Variants in C20orf202 observed in about 807,000 individuals in gnomAD.
The protein encoded by C20orf202 is uncharacterized protein C20orf202.
C20orf202 carries 5 observed loss-of-function variants against 5.3 expected under a neutral mutation model. The observed-to-expected ratio is 0.94, with a 90% CI of 0.49 to 1.98. C20orf202 has a LOEUF of 1.98. C20orf202 is among the 30% of genes most tolerant of loss of function. The pLI is 0.01. For missense variants in C20orf202, 135 were observed against 123.5 expected (o/e 1.09, Z -0.44); for synonymous variants, 48 against 50.0 (o/e 0.96, Z 0.16).
At position 1,205,882 on chromosome 20, in the gene C20orf202, C is replaced by A. The variant is rs916942954; in HGVS notation, c.67-987C>A. Among the ~76,000 whole-genome samples, 8 of 151,878 alleles carry A rather than the reference C, an allele frequency of 5.3e-5. No individual in the cohort carries two copies. The South Asian group carries it at 1.5e-3, about 28-fold the overall frequency. On this transcript the variant is annotated intron_variant, in intron 1 of 1. Transcript: ENST00000400633. The stretch of plus-strand genomic sequence containing the variant: ...TCTGAGACCAGCCTGGGCAACATGG[C>A]AAGACATTGCCTCTACAAAAAATAG...
At chr20:1,203,951 G>A (rs971525562) in intron 1 of C20orf202, among the ~76,000 whole-genome samples, 2 of 152,102 alleles carry the variant, frequency 1.3e-5, no homozygotes, top group African/African-American at 2.4e-5. Flanking sequence ...TTATCTCTTT[G>A]AGCCTCAGTT....
At position 1,207,312 on chromosome 20, in the gene C20orf202, C is replaced by A. The variant is rs1439336653; in HGVS notation, c.*210C>A. On this transcript the variant is annotated 3_prime_UTR_variant, in exon 2 of 2. Transcript: ENST00000400633. Reference sequence around the variant, plus strand: ...TGTCACTTGGGATTTCTTGGTGAGGCACACATAAGGTATTGGATGTGAACA... The same window carrying A: ...TGTCACTTGGGATTTCTTGGTGAGGAACACATAAGGTATTGGATGTGAACA... The A allele has an allele frequency of 4.7e-5, 22 of 468,222 alleles. No individual in the cohort carries two copies. Among genetic ancestry groups the A allele is most frequent in the Non-Finnish European group, 7.7e-6 (2 of 259,196 alleles). The allele number at this position is 468,222 out of a possible 1,614,324, so 29.0% of individuals were successfully genotyped here. A position where few individuals can be genotyped will look rare whatever the true frequency, so the allele number is the denominator to read the frequency against.
At position 1,208,690 on chromosome 20, in the gene C20orf202, A is replaced by C. The variant is rs203554; in HGVS notation, c.*1588A>C. On this transcript the variant is annotated 3_prime_UTR_variant, in exon 2 of 2. Coordinates refer to ENST00000400633, the MANE Select transcript of C20orf202 (RefSeq NM_001394958.1). Reference sequence around the variant, plus strand: ...CACAACAGGCAGCAATTCCTTCATGAAGCACCAGACTTCTCCAGGATCCAG... The same window carrying C: ...CACAACAGGCAGCAATTCCTTCATGCAGCACCAGACTTCTCCAGGATCCAG... 0.13 allele frequency among the ~76,000 whole-genome samples: 20,167 copies of C among 152,078 alleles called. 1,931 individuals carry two copies. Among genetic ancestry groups the C allele is most frequent in the African/African-American group, 0.27 (11,377 of 41,432 alleles).
chr20:1,203,728 C>T (rs1218881784), intron 1 of C20orf202, 77 bp downstream of exon 1: 128 of 1,461,006 alleles, frequency 8.8e-5, no homozygotes, highest in Non-Finnish European at 9.8e-5. Context: ...TTCCCGGGTC[C>T]CCCCTGGGGC....
At chr20:1,206,765 A>G in intron 1 of C20orf202, 104 bp from the exon 2 acceptor site, 1 of 691,228 alleles carries the variant, frequency 1.4e-6, no homozygotes, top group Non-Finnish European at 2.3e-6. Flanking sequence ...AGGCTGTGCG[A>G]ATCACAAGTG....
At chr20:1,203,709 T>C (rs1007582229) in intron 1 of C20orf202, 58 bp downstream of exon 1, 11 of 1,500,352 alleles carry the variant, frequency 7.3e-6, no homozygotes, top group Middle Eastern at 2.3e-4. Flanking sequence ...CAAAGATCTC[T>C]GGTTTTCCTT....
At chr20:1,205,430 A>G (rs886980702) in intron 1 of C20orf202, among the ~76,000 whole-genome samples, 1 of 152,150 alleles carries the variant, frequency 6.6e-6, no homozygotes, top group African/African-American at 2.4e-5. Context: ...TTCTAGCTAC[A>G]TATTCTCTTG....
In C20orf202 at chr20:1,208,450, A is replaced by G. The variant is rs550232043; in HGVS notation, c.*1348A>G. Among the ~76,000 whole-genome samples, 1 of 152,326 alleles carries G rather than the reference A, an allele frequency of 6.6e-6. No homozygotes were observed. The highest frequency in any genetic ancestry group is 2.4e-5 in the African/African-American group (1 of 41,576). ...TCAACCTGTGATTTTTGTATTTGGT[A>G]ATATAAATGATACCTGCTCTGTGAT... On this transcript the variant is annotated 3_prime_UTR_variant, in exon 2 of 2. Transcript: ENST00000400633.
chr20:1,206,855 C>T lies in C20orf202; in HGVS notation c.67-14C>T, dbSNP rs774853040. On this transcript the variant is annotated splice_polypyrimidine_tract_variant and intron_variant, in intron 1 of 1. Coordinates refer to ENST00000400633, the MANE Select transcript of C20orf202 (RefSeq NM_001394958.1). ...GCTCCACGCATCCCCTCACAGGCTC[C>T]TTCTCTCTCCTAGTCTGAGATGCAG... 2.0e-6 allele frequency: 3 copies of T among 1,498,764 alleles called. No homozygotes were observed. The highest frequency in any genetic ancestry group is 2.7e-6 in the Non-Finnish European group (3 of 1,109,998). The allele number at this position is 1,498,764 out of a possible 1,614,324, so 92.8% of individuals were successfully genotyped here. A position where few individuals can be genotyped will look rare whatever the true frequency, so the allele number is the denominator to read the frequency against.
In C20orf202 at chr20:1,207,564, A is replaced by G. The variant is rs1881931965; in HGVS notation, c.*462A>G. On this transcript the variant is annotated 3_prime_UTR_variant, in exon 2 of 2. Transcript: ENST00000400633. ...TTCCCATTCCCCTTCATCTGATAACATATTAGGCCCTGTAACCACCCTGGC... is the reference window on the plus strand; with the variant it reads ...TTCCCATTCCCCTTCATCTGATAACGTATTAGGCCCTGTAACCACCCTGGC... 6.5e-6 allele frequency: 1 copy of G among 152,990 alleles called. No homozygotes were observed. 9.5% of individuals were successfully genotyped at this position (152,990 alleles called of 1,614,324 possible). A position where few individuals can be genotyped will look rare whatever the true frequency, so the allele number is the denominator to read the frequency against.
intron 1 of C20orf202, among the ~76,000 whole-genome samples, chr20:1,205,091 T>C (rs373615679): frequency 8.6e-5 from 13 of 151,064 alleles, no homozygotes; most frequent in African/African-American, 2.9e-4. Context: ...ACTACACCTT[T>C]GCTTCACGTC....
At chr20:1,204,387 C>T (rs1179543622) in intron 1 of C20orf202, among the ~76,000 whole-genome samples, 3 of 152,206 alleles carry the variant, frequency 2.0e-5, no homozygotes, top group Non-Finnish European at 2.9e-5. Context: ...GGAGAGAGAA[C>T]GAGAGGAAAT....
intron 1 of C20orf202, 121 bp downstream of exon 1, chr20:1,203,772 C>A: frequency 8.8e-7 from 1 of 1,131,426 alleles, no homozygotes; most frequent in Non-Finnish European, 1.2e-6. Context: ...ACCCTGCAGT[C>A]TCCCCTCTGG....
At position 1,208,562 on chromosome 20, in the gene C20orf202, G is replaced by A. The variant is rs1443652409; in HGVS notation, c.*1460G>A. Among the ~76,000 whole-genome samples, 4 of 152,210 alleles carry A rather than the reference G, an allele frequency of 2.6e-5. No homozygotes were observed. The highest frequency in any genetic ancestry group is 5.9e-5 in the Non-Finnish European group (4 of 68,046). ...GTTAGGCTTTGCCAATATACAGCAT[G>A]GAGTTAGACTACAAGTCTAGAGGAG... On this transcript the variant is annotated 3_prime_UTR_variant, in exon 2 of 2. Transcript: ENST00000400633.
Position 1,208,232 on chromosome 20 carries a change from G to A in C20orf202, c.*1130G>A, listed in dbSNP as rs1407185134. 4 of 152,158 alleles carry A rather than the reference G, an allele frequency of 2.6e-5. No homozygotes were observed. The East Asian group carries it at 7.7e-4, about 29-fold the overall frequency. The allele number at this position is 152,158 out of a possible 1,614,324, so 9.4% of individuals were successfully genotyped here. Reference sequence around the variant, plus strand: ...AAAAATTGTATCTGCCTATAAGAAAGACTAAAACAGAAAAGGTGAAAATAA... The same window carrying A: ...AAAAATTGTATCTGCCTATAAGAAAAACTAAAACAGAAAAGGTGAAAATAA... On this transcript the variant is annotated 3_prime_UTR_variant, in exon 2 of 2. Transcript: ENST00000400633.
Position 1,207,103 on chromosome 20 carries a change from C to T in C20orf202, c.*1C>T, listed in dbSNP as rs768786582. On this transcript the variant is annotated 3_prime_UTR_variant, in exon 2 of 2. Coordinates refer to ENST00000400633, the MANE Select transcript of C20orf202 (RefSeq NM_001394958.1). ...CAGCAGACGAAGCTCTCTCCCTTAA[C>T]TGGACGGAGATGACACTGGGCTTTA... 5 of 1,481,600 alleles carry T rather than the reference C, an allele frequency of 3.4e-6. No individual in the cohort carries two copies. In the African/African-American group the frequency reaches 5.6e-5, roughly 17 times the overall value. The allele number at this position is 1,481,600 out of a possible 1,614,324, so 91.8% of individuals were successfully genotyped here.
At chr20:1,204,044 C>A (rs568785702) in intron 1 of C20orf202, among the ~76,000 whole-genome samples, 148 of 152,154 alleles carry the variant, frequency 9.7e-4, no homozygotes, top group African/African-American at 3.5e-3. Flanking sequence ...GCTTGTAATC[C>A]TCTTAATGAA....
chr20:1,206,461 C>G (rs1160077444), intron 1 of C20orf202, among the ~76,000 whole-genome samples: 1 of 152,176 alleles, frequency 6.6e-6, no homozygotes, highest in Non-Finnish European at 1.5e-5. Context: ...TAATGTCTGT[C>G]TTAATAGAAC....
chr20:1,207,063 C>T lies in C20orf202; in HGVS notation c.261C>T (p.Leu87=). ...TTTGCTCAAGGGGTCTGGCCCAGCTCCTCCGAGGGGAAGACAGCAGACGAA... is the reference window on the plus strand; with the variant it reads ...TTTGCTCAAGGGGTCTGGCCCAGCTTCTCCGAGGGGAAGACAGCAGACGAA... ...QPVCSRGLAQ[L]LRGEDSRRSS... is the part of the protein sequence containing the mutation. The change falls in exon 2 of 2, where the codon CTC becomes CTT. Residue 87 remains leucine (L), a synonymous_variant. Transcript: ENST00000400633. The T allele has an allele frequency of 3.3e-6, 5 of 1,531,418 alleles. No individual in the cohort carries two copies. The highest frequency in any genetic ancestry group is 4.4e-6 in the Non-Finnish European group (5 of 1,133,456). 94.9% of individuals were successfully genotyped at this position (1,531,418 alleles called of 1,614,324 possible).
Sources: gnomAD v4.1 joint callset for allele counts (sites outside exome capture counted in the v4.1 genomes callset) on GRCh38, gnomAD v4.1.1 for gene constraint, MANE v1.5 for transcripts, NCBI Gene and HGNC (gene_info 2026-07-23, HGNC 2026-07-21) for gene names.